Variants in STK38 observed in about 807,000 individuals in gnomAD.
The protein encoded by STK38 is serine/threonine-protein kinase 38.
Under a neutral mutation model 59.0 loss-of-function variants are expected in STK38, and 26 were observed. That is an observed-to-expected ratio of 0.44 (90% confidence interval 0.32 to 0.61). The LOEUF (loss-of-function observed/expected upper bound fraction) is 0.61, where lower values mean the gene tolerates loss of function less well. Ranked by LOEUF, STK38 falls within the 20% of genes least tolerant of loss-of-function variation. The pLI is 0.04. For missense variants in STK38, 433 were observed against 566.0 expected (o/e 0.76, Z 2.38); for synonymous variants, 175 against 176.6 (o/e 0.99, Z 0.07).
In STK38 at chr6:36,513,555, C is replaced by T. The variant is rs563112650; in HGVS notation, c.669+1783G>A. Among the ~76,000 whole-genome samples the T allele has an allele frequency of 1.8e-4, 28 of 151,876 alleles. No individual in the cohort carries two copies. The East Asian group carries it at 3.3e-3, about 18-fold the overall frequency. On this transcript the variant is annotated intron_variant, in intron 7 of 13. Coordinates refer to ENST00000229812, the MANE Select transcript of STK38 (RefSeq NM_007271.4). ...GTCTCGATCTCCTGACCTCGTGATC[C>T]GCCTGCCTCGGCCTCCCAAAGTGCT...
At chr6:36,542,089 C>T (rs111747725) in intron 1 of STK38, among the ~76,000 whole-genome samples, 17,604 of 152,054 alleles carry the variant, frequency 0.12, 1,196 homozygotes, top group Admixed American at 0.22. Flanking sequence ...CCCAACTTGG[C>T]CTCCCAAAGT....
At chr6:36,525,557 G>C (rs1238040026) in intron 3 of STK38, 34 bp downstream of exon 3, 1 of 1,602,744 alleles carries the variant, frequency 6.2e-7, no homozygotes, top group Non-Finnish European at 8.5e-7. Flanking sequence ...CTGCCACGCT[G>C]GGTTTTAAGG....
intron 1 of STK38, among the ~76,000 whole-genome samples, chr6:36,540,962 G>A (rs1309901131): frequency 2.6e-5 from 4 of 151,826 alleles, no homozygotes; most frequent in Admixed American, 6.6e-5. Context: ...GCAGTGGCGC[G>A]ATCTCCGCTC....
intron 2 of STK38, among the ~76,000 whole-genome samples, chr6:36,533,679 T>C (rs1777723280): frequency 6.6e-6 from 1 of 152,192 alleles, no homozygotes; most frequent in South Asian, 2.1e-4. Context: ...CAATAAACCA[T>C]AGCTAGGGCA....
In STK38 at chr6:36,544,202, A is replaced by G. The variant is rs144866985; in HGVS notation, c.-6+2988T>C. The stretch of plus-strand genomic sequence containing the variant: ...TTCATCATGTGCCAAAAAGATCAGT[A>G]AAAACAAATTTAAGACACTGCATTA... On this transcript the variant is annotated intron_variant, in intron 1 of 13. Transcript: ENST00000229812. Among the ~76,000 whole-genome samples the G allele has an allele frequency of 4.7e-3, 721 of 152,310 alleles. 7 individuals carry two copies. The highest frequency in any genetic ancestry group is 5.4e-3 in the Non-Finnish European group (370 of 68,016).
chr6:36,520,608 A>G (rs1777354466), intron 5 of STK38, among the ~76,000 whole-genome samples: 1 of 152,168 alleles, frequency 6.6e-6, no homozygotes, highest in Non-Finnish European at 1.5e-5. Flanking sequence ...TTCAGTGCCT[A>G]CACACCCATA....
At chr6:36,538,868 G>A (rs535967093) in intron 2 of STK38, among the ~76,000 whole-genome samples, 5 of 142,332 alleles carry the variant, frequency 3.5e-5, no homozygotes, top group African/African-American at 1.3e-4. Context: ...CTCCAGCCTG[G>A]GTGACAGAAC....
intron 2 of STK38, among the ~76,000 whole-genome samples, chr6:36,534,832 A>G (rs1195385070): frequency 1.3e-5 from 2 of 151,622 alleles, no homozygotes; most frequent in Non-Finnish European, 2.9e-5. Flanking sequence ...CTAGTGCACT[A>G]AGGCAAGGAA....
intron 1 of STK38, among the ~76,000 whole-genome samples, chr6:36,543,779 C>G (rs1309712021): frequency 6.6e-6 from 1 of 152,104 alleles, no homozygotes; most frequent in East Asian, 1.9e-4. Context: ...GTAGTTGGGA[C>G]TACAGGGACA....
intron 1 of STK38, among the ~76,000 whole-genome samples, chr6:36,546,556 G>A (rs922714554): frequency 6.6e-6 from 1 of 152,220 alleles, no homozygotes; most frequent in African/African-American, 2.4e-5. Context: ...AGAATGAACT[G>A]AGAGATCTGG....
Position 36,524,581 on chromosome 6 carries a change from T to A in STK38, c.184-118A>T, listed in dbSNP as rs1430605173. On this transcript the variant is annotated intron_variant, in intron 3 of 13. Transcript: ENST00000229812. ...ACAGGTCCAAGTGGACTAAGGATAA[T>A]CTTTTCACATATGAAATCACCCCAG... 2.9e-6 allele frequency: 3 copies of A among 1,040,696 alleles called. No individual in the cohort carries two copies. In the East Asian group the frequency reaches 7.7e-5, roughly 27 times the overall value. 64.5% of individuals were successfully genotyped at this position (1,040,696 alleles called of 1,614,324 possible).
chr6:36,524,677 T>C (rs1057139725), intron 3 of STK38, among the ~76,000 whole-genome samples: 1 of 152,228 alleles, frequency 6.6e-6, no homozygotes, highest in African/African-American at 2.4e-5. Context: ...ACTGAACAGA[T>C]GGGTGCCTCC....
intron 12 of STK38, 27 bp downstream of exon 12, chr6:36,497,753 A>T: frequency 6.5e-7 from 1 of 1,536,280 alleles, no homozygotes; most frequent in Middle Eastern, 1.7e-4. Context: ...TTCTGAAATA[A>T]TTCTGAAAGT....
intron 10 of STK38, among the ~76,000 whole-genome samples, chr6:36,499,602 G>A (rs1776790210): frequency 6.6e-6 from 1 of 152,082 alleles, no homozygotes; most frequent in Non-Finnish European, 1.5e-5. Context: ...AAATGCTAGT[G>A]ACTAAAAGAG....
At chr6:36,531,529 CAA>C (rs1777666237) in intron 2 of STK38, among the ~76,000 whole-genome samples, 1 of 152,134 alleles carries the variant, frequency 6.6e-6, no homozygotes. Flanking sequence ...AGAGAGAATA[CAA>C]AGAGAGCTGC....
chr6:36,521,590 G>C, intron 5 of STK38, 144 bp downstream of exon 5: 1 of 431,672 alleles, frequency 2.3e-6, no homozygotes, highest in South Asian at 6.8e-5. Flanking sequence ...TTTGTAGGGG[G>C]AAAAAGGTAG....
chr6:36,509,036 G>A (rs1777037687), intron 7 of STK38, among the ~76,000 whole-genome samples: 1 of 152,130 alleles, frequency 6.6e-6, no homozygotes, highest in Non-Finnish European at 1.5e-5. Flanking sequence ...TCCTGGAAGG[G>A]CCGCCGCTCT....
At chr6:36,520,403 T>A (rs1331176911) in intron 5 of STK38, among the ~76,000 whole-genome samples, 1 of 152,300 alleles carries the variant, frequency 6.6e-6, no homozygotes, top group Middle Eastern at 3.4e-3. Flanking sequence ...ATACATAAAA[T>A]TACTAACTGA....
chr6:36,528,552 G>C (rs1453404669), intron 2 of STK38, among the ~76,000 whole-genome samples: 1 of 151,526 alleles, frequency 6.6e-6, no homozygotes, highest in East Asian at 1.9e-4. Flanking sequence ...AGTTCTCCCA[G>C]TTCCCAGAAT....
Sources: allele counts gnomAD v4.1 joint callset (sites outside exome capture counted in the v4.1 genomes callset), GRCh38; gene constraint gnomAD v4.1.1; transcripts MANE v1.5; gene names NCBI Gene and HGNC (gene_info 2026-07-23, HGNC 2026-07-21).